SLX4IP: variants seen among roughly 807,000 people sequenced by gnomAD.
SLX4IP encodes the protein SLX4 interacting protein, also known as protein SLX4IP.
Under a neutral mutation model 32.9 loss-of-function variants are expected in SLX4IP, and 34 were observed. That is an observed-to-expected ratio of 1.03 (90% CI 0.79 to 1.38). SLX4IP has a LOEUF of 1.38. Ranked by LOEUF, SLX4IP falls within the 40% of genes most tolerant of loss-of-function variation. The probability of loss-of-function intolerance (pLI) is 0.00; values close to 1 mark genes in which losing one functional copy is unlikely to be tolerated. For synonymous variants in SLX4IP, 172 were observed against 171.7 expected (o/e 1.00, Z -0.01); for missense variants, 444 against 479.0 (o/e 0.93, Z 0.68).
At chr20:10,494,585 A>ATT (rs1332500182) in intron 2 of SLX4IP, among the ~76,000 whole-genome samples, 1 of 151,946 alleles carries the variant, frequency 6.6e-6, no homozygotes, top group Non-Finnish European at 1.5e-5. Context: ...AATATTGTTT[A>ATT]TTTGTGCTAG....
chr20:10,457,143 A>G (rs2065291776), intron 1 of SLX4IP, among the ~76,000 whole-genome samples: 2 of 152,138 alleles, frequency 1.3e-5, no homozygotes, highest in South Asian at 4.1e-4. Flanking sequence ...ATATATGAGA[A>G]CATATTGTTT....
At chr20:10,592,183 G>A (rs891826834) in intron 4 of SLX4IP, among the ~76,000 whole-genome samples, 1 of 152,124 alleles carries the variant, frequency 6.6e-6, no homozygotes, top group Non-Finnish European at 1.5e-5. Context: ...ATCTCTAAAT[G>A]TCTTGGGTAA....
chr20:10,622,205 T>A (rs189598081), intron 7 of SLX4IP, among the ~76,000 whole-genome samples: 1 of 152,346 alleles, frequency 6.6e-6, no homozygotes, highest in Admixed American at 6.5e-5. Flanking sequence ...GGTGGTTATA[T>A]TTGGGTAACA....
intron 7 of SLX4IP, 117 bp from the exon 8 acceptor site, chr20:10,622,542 A>T: frequency 7.1e-7 from 1 of 1,418,142 alleles, no homozygotes; most frequent in South Asian, 1.4e-5. Flanking sequence ...TGGGGAAGCG[A>T]GAGGGCAGGT....
intron 2 of SLX4IP, among the ~76,000 whole-genome samples, chr20:10,508,652 T>A (rs879127431): frequency 1.3e-5 from 2 of 152,188 alleles, no homozygotes; most frequent in African/African-American, 4.8e-5. Context: ...CAGAGTATGT[T>A]GCTTTAGAAA....
chr20:10,443,599 A>C (rs192023503), intron 1 of SLX4IP, among the ~76,000 whole-genome samples: 1 of 152,316 alleles, frequency 6.6e-6, no homozygotes, highest in Non-Finnish European at 1.5e-5. Context: ...GTTCAAGGAC[A>C]TGTGCCAGGA....
intron 1 of SLX4IP, among the ~76,000 whole-genome samples, chr20:10,445,997 T>C (rs1465732126): frequency 2.0e-5 from 3 of 151,014 alleles, no homozygotes; most frequent in Non-Finnish European, 4.4e-5. Context: ...AAGTTGCATG[T>C]ATCAATAGTT....
At chr20:10,497,080 G>T (rs1385877887) in intron 2 of SLX4IP, among the ~76,000 whole-genome samples, 1 of 152,148 alleles carries the variant, frequency 6.6e-6, no homozygotes, top group South Asian at 2.1e-4. Flanking sequence ...TCAGTATCTG[G>T]CGTCACTATT....
intron 2 of SLX4IP, among the ~76,000 whole-genome samples, chr20:10,546,539 G>T (rs1555813849): frequency 6.6e-6 from 1 of 151,702 alleles, no homozygotes; most frequent in Non-Finnish European, 1.5e-5. Flanking sequence ...TACCTTTGGA[G>T]AAAAAAAAGA....
At chr20:10,489,378 A>G (rs2065601299) in intron 2 of SLX4IP, among the ~76,000 whole-genome samples, 1 of 152,196 alleles carries the variant, frequency 6.6e-6, no homozygotes, top group South Asian at 2.1e-4. Context: ...CACAAGATAC[A>G]TTTTAAATAA....
At chr20:10,479,319 T>C (rs1232969433) in intron 2 of SLX4IP, among the ~76,000 whole-genome samples, 2 of 151,836 alleles carry the variant, frequency 1.3e-5, no homozygotes, top group Non-Finnish European at 2.9e-5. Flanking sequence ...AGAAGAAAAA[T>C]TTCCATATTC....
At chr20:10,613,575 C>T in intron 6 of SLX4IP, 1 of 1,612,758 alleles carries the variant, frequency 6.2e-7, no homozygotes, top group Non-Finnish European at 8.5e-7. Context: ...TGCCTTCAGG[C>T]TATCCACGCC....
intron 2 of SLX4IP, among the ~76,000 whole-genome samples, chr20:10,509,477 C>T (rs571665599): frequency 6.6e-6 from 1 of 152,270 alleles, no homozygotes; most frequent in South Asian, 2.1e-4. Context: ...ACAGCCTTGG[C>T]AACACTATAA....
Position 10,508,815 on chromosome 20 carries a change from A to T in SLX4IP, c.28-47416A>T, listed in dbSNP as rs190605687. ...TGAGTTCCATCCGCTGGGGCCTGGG[A>T]AAGGAGATAGTCAAATTAAGTAAAT... On this transcript the variant is annotated intron_variant, in intron 2 of 7. Transcript: ENST00000334534. Among the ~76,000 whole-genome samples, 460 of 152,150 alleles carry T rather than the reference A, an allele frequency of 3.0e-3. 1 individual carries two copies. Among genetic ancestry groups the T allele is most frequent in the Middle Eastern group, 0.024 (7 of 294 alleles).
chr20:10,464,558 T>C (rs1208966354), intron 2 of SLX4IP, among the ~76,000 whole-genome samples: 1 of 152,160 alleles, frequency 6.6e-6, no homozygotes, highest in East Asian at 1.9e-4. Flanking sequence ...TTAAAAGGAA[T>C]TAATTAACTT....
At chr20:10,616,654 C>T (rs1475464644) in intron 6 of SLX4IP, among the ~76,000 whole-genome samples, 1 of 152,074 alleles carries the variant, frequency 6.6e-6, no homozygotes, top group African/African-American at 2.4e-5. Context: ...GTTCACTCTT[C>T]CCCCTACCCA....
rs111317715 is a variant in SLX4IP, at chr20:10,591,628, T to C, written c.239-7047T>C. On this transcript the variant is annotated intron_variant, in intron 4 of 7. Transcript: ENST00000334534. ...GAGTGAAGGGTTTTAAAGAGAACTTTGAGTTTTATAAGTACACAGTATTAT... is the reference window on the plus strand; with the variant it reads ...GAGTGAAGGGTTTTAAAGAGAACTTCGAGTTTTATAAGTACACAGTATTAT... Among the ~76,000 whole-genome samples, 784 of 152,338 alleles carry C rather than the reference T, an allele frequency of 5.1e-3. 7 individuals carry two copies. Among genetic ancestry groups the C allele is most frequent in the African/African-American group, 0.018 (742 of 41,568 alleles).
At chr20:10,614,433 C>CT (rs2067003273) in intron 6 of SLX4IP, among the ~76,000 whole-genome samples, 1 of 152,090 alleles carries the variant, frequency 6.6e-6, no homozygotes, top group African/African-American at 2.4e-5. Context: ...ATGAAGGATA[C>CT]TAGGAGGATC....
chr20:10,447,678 T>G (rs943203062), intron 1 of SLX4IP, among the ~76,000 whole-genome samples: 9 of 152,014 alleles, frequency 5.9e-5, no homozygotes, highest in Non-Finnish European at 1.3e-4. Flanking sequence ...TCTACTGAAA[T>G]GTTTATGTGC....
Sources: gnomAD v4.1 joint callset for allele counts (sites outside exome capture counted in the v4.1 genomes callset) on GRCh38, gnomAD v4.1.1 for gene constraint, MANE v1.5 for transcripts, NCBI Gene and HGNC (gene_info 2026-07-23, HGNC 2026-07-21) for gene names.